Variants in EGFR observed in about 807,000 individuals in gnomAD.
EGFR encodes avian erythroblastic leukemia viral (v-erb-b) oncogene homolog.
A neutral mutation model predicts 143.0 loss-of-function variants in EGFR; 58 were observed. That is an observed-to-expected ratio of 0.41 (90% CI 0.33 to 0.50). The LOEUF is 0.50. Ranked by LOEUF, EGFR falls within the 20% of genes least tolerant of loss-of-function variation. The pLI, the probability that EGFR is intolerant of heterozygous loss-of-function variation, is 0.39. For synonymous variants in EGFR, 613 were observed against 594.4 expected, an observed-to-expected ratio of 1.03 and a Z score of -0.45; for missense variants, 1,307 against 1,579.0, an observed-to-expected ratio of 0.83 and a Z score of 2.92.
rs959978486 is a variant in EGFR, at chr7:55,082,611, A to G, written c.89-59675A>G. ...CCAGGGTTTTCATTTTTTTCATTTC[A>G]TGGTTCATTTTCGCTCCAGTGTAGA... On this transcript the variant is annotated intron_variant, in intron 1 of 27. Transcript: ENST00000275493. Among the ~76,000 whole-genome samples, 6 of 151,850 alleles carry G rather than the reference A, an allele frequency of 4.0e-5. No homozygotes were observed. In the South Asian group the frequency reaches 1.2e-3, roughly 32 times the overall value.
intron 1 of EGFR, among the ~76,000 whole-genome samples, chr7:55,112,110 A>G (rs1377283351): frequency 6.6e-6 from 1 of 152,240 alleles, no homozygotes; most frequent in Admixed American, 6.5e-5. Flanking sequence ...CACCGGAAGC[A>G]GGGCAGCAAG....
At position 55,181,289 on chromosome 7, in the gene EGFR, C is replaced by G. The variant is rs766533982; in HGVS notation, c.2284-4C>G. 21 of 1,614,006 alleles carry G rather than the reference C, an allele frequency of 1.3e-5. No individual in the cohort carries two copies. The highest frequency in any genetic ancestry group is 1.7e-5 in the Non-Finnish European group (20 of 1,180,056). On this transcript the variant is annotated splice_region_variant and splice_polypyrimidine_tract_variant and intron_variant, in intron 19 of 27. Coordinates refer to ENST00000275493, the MANE Select transcript of EGFR (RefSeq NM_005228.5). ...CACACTGACGTGCCTCTCCCTCCCT[C>G]CAGGAAGCCTACGTGATGGCCAGCG...
intron 19 of EGFR, among the ~76,000 whole-genome samples, chr7:55,176,787 A>G (rs56015951): frequency 0.26 from 38,388 of 147,598 alleles, 5,517 homozygotes; most frequent in Admixed American, 0.35. Flanking sequence ...TATACTCTGT[A>G]TATAGTTATT....
chr7:55,106,897 T>A (rs1792167769), intron 1 of EGFR, among the ~76,000 whole-genome samples: 1 of 152,244 alleles, frequency 6.6e-6, no homozygotes, highest in Non-Finnish European at 1.5e-5. Flanking sequence ...TTATTACCCA[T>A]GGAATTGTCT....
intron 11 of EGFR, among the ~76,000 whole-genome samples, chr7:55,158,171 T>G (rs994789171): frequency 1.3e-5 from 2 of 152,256 alleles, no homozygotes; most frequent in African/African-American, 4.8e-5. Flanking sequence ...CAATTGAGGT[T>G]ATGCACATCT....
intron 1 of EGFR, among the ~76,000 whole-genome samples, chr7:55,067,102 G>A (rs1053050791): frequency 6.6e-6 from 1 of 152,202 alleles, no homozygotes; most frequent in Non-Finnish European, 1.5e-5. Flanking sequence ...CAGCACTGCT[G>A]TCAGGGTGAG....
chr7:55,174,143 C>T lies in EGFR; in HGVS notation c.2184+100C>T, dbSNP rs17290336. 0.042 allele frequency: 63,962 copies of T among 1,513,934 alleles called. 1,527 individuals are homozygous for T. Among genetic ancestry groups the T allele is most frequent in the African/African-American group, 0.079 (5,718 of 72,128 alleles). 93.8% of individuals were successfully genotyped at this position (1,513,934 alleles called of 1,614,324 possible). On this transcript the variant is annotated intron_variant, in intron 18 of 27. Coordinates refer to ENST00000275493, the MANE Select transcript of EGFR (RefSeq NM_005228.5). ...GCAAGCTGTATATTTCCATCATCTA[C>T]TTTACTCTTTGTTTCACTGAGTGTT...
intron 1 of EGFR, among the ~76,000 whole-genome samples, chr7:55,124,667 A>T (rs1793417158): frequency 6.6e-6 from 1 of 152,152 alleles, no homozygotes; most frequent in African/African-American, 2.4e-5. Context: ...TTCCCTTCTG[A>T]TCATCCATTG....
chr7:55,106,667 A>T (rs529583066), intron 1 of EGFR, among the ~76,000 whole-genome samples: 64 of 152,356 alleles, frequency 4.2e-4, no homozygotes, highest in African/African-American at 1.4e-3. Flanking sequence ...TAATTATTTC[A>T]TGCAAAAGGC....
rs1427087149 is a variant in EGFR, at chr7:55,206,024, T to TACCCTGAGTTCATCCAGGATGA, written c.*425_*426insATGAACCCTGAGTTCATCCAGG. On this transcript the variant is annotated 3_prime_UTR_variant, in exon 28 of 28. Transcript: ENST00000275493. ...GAAGAAGCTTGCTGGTAGCACTTGC[T>TACCCTGAGTTCATCCAGGATGA]ACCCTGAGTTCATCCAGGCCCAACT... 1.9e-5 allele frequency: 7 copies of TACCCTGAGTTCATCCAGGATGA among 373,232 alleles called. No homozygotes were observed. The Admixed American group carries it at 3.1e-4, about 17-fold the overall frequency. The allele number at this position is 373,232 out of a possible 1,614,324, so 23.1% of individuals were successfully genotyped here.
chr7:55,036,491 A>G (rs912279374), intron 1 of EGFR, among the ~76,000 whole-genome samples: 1 of 152,290 alleles, frequency 6.6e-6, no homozygotes, highest in Non-Finnish European at 1.5e-5. Flanking sequence ...ACATTTTCCT[A>G]TGTGTATATG....
chr7:55,124,003 G>A (rs1793371626), intron 1 of EGFR, among the ~76,000 whole-genome samples: 1 of 152,198 alleles, frequency 6.6e-6, no homozygotes, highest in African/African-American at 2.4e-5. Context: ...GCACATAAAA[G>A]TGTGAATGTA....
intron 1 of EGFR, among the ~76,000 whole-genome samples, chr7:55,133,860 C>G (rs1232212652): frequency 6.6e-6 from 1 of 152,196 alleles, no homozygotes; most frequent in Non-Finnish European, 1.5e-5. Context: ...ACCGGCCTGG[C>G]CCACAGACTT....
At chr7:55,053,865 C>G (rs567513586) in intron 1 of EGFR, among the ~76,000 whole-genome samples, 2 of 152,332 alleles carry the variant, frequency 1.3e-5, no homozygotes, top group African/African-American at 4.8e-5. Context: ...ATTTTTGAAG[C>G]TCTTAGCCAA....
intron 1 of EGFR, among the ~76,000 whole-genome samples, chr7:55,127,638 T>C (rs991687373): frequency 6.6e-6 from 1 of 152,176 alleles, no homozygotes; most frequent in Non-Finnish European, 1.5e-5. Flanking sequence ...AAGGCACTCA[T>C]ATAGCCATTA....
chr7:55,063,953 C>A (rs987717934), intron 1 of EGFR, among the ~76,000 whole-genome samples: 1 of 152,128 alleles, frequency 6.6e-6, no homozygotes, highest in Non-Finnish European at 1.5e-5. Context: ...CCACACAAAA[C>A]CCTCAGGTGG....
intron 1 of EGFR, among the ~76,000 whole-genome samples, chr7:55,063,187 C>T (rs1441414068): frequency 3.9e-5 from 6 of 152,130 alleles, no homozygotes; most frequent in Non-Finnish European, 8.8e-5. Flanking sequence ...AATATGTGCC[C>T]GGAAGCAAGA....
chr7:55,192,926 C>T lies in EGFR; in HGVS notation c.2701+85C>T, dbSNP rs570780155. ...AGTTAATTTACATTATATCCTCTGA[C>T]ATGCAAGTATTTTCTTTCGAGATAA... On this transcript the variant is annotated intron_variant, in intron 22 of 27. Coordinates refer to ENST00000275493, the MANE Select transcript of EGFR (RefSeq NM_005228.5). The T allele has an allele frequency of 9.3e-5, 108 of 1,160,202 alleles. 1 individual carries two copies. The East Asian group carries it at 2.2e-3, about 24-fold the overall frequency. 71.9% of individuals were successfully genotyped at this position (1,160,202 alleles called of 1,614,324 possible).
At chr7:55,047,077 G>A (rs145343005) in intron 1 of EGFR, among the ~76,000 whole-genome samples, 5 of 152,310 alleles carry the variant, frequency 3.3e-5, no homozygotes, top group Non-Finnish European at 7.4e-5. Context: ...TTACCGGTAC[G>A]ATAGGGCCAT....
Sources: gnomAD v4.1 joint callset for allele counts (sites outside exome capture counted in the v4.1 genomes callset) on GRCh38, gnomAD v4.1.1 for gene constraint, MANE v1.5 for transcripts, NCBI Gene and HGNC (gene_info 2026-07-23, HGNC 2026-07-21) for gene names.